Variants in RBBP7 observed in about 807,000 individuals in gnomAD.
The protein encoded by RBBP7 is histone-binding protein RBBP7.
RBBP7 carries 5 observed loss-of-function variants against 35.2 expected under a neutral mutation model. The ratio of observed to expected loss-of-function variants is 0.14; its 90% CI spans 0.07 to 0.30. RBBP7 has a LOEUF of 0.30. RBBP7 is among the 10% of genes least tolerant of loss of function. RBBP7 has a pLI of 1.00. For synonymous variants in RBBP7, 140 were observed against 118.7 expected (o/e 1.18, Z -1.17); for missense variants, 155 against 327.5 (o/e 0.47, Z 4.07).
At chrX:16,852,698 C>G (rs1930239326) in intron 7 of RBBP7, 51 bp downstream of exon 7, 1 of 1,210,701 alleles carries the variant, frequency 8.3e-7, no homozygotes, top group Non-Finnish European at 1.1e-6. Context: ...CTGATTAAGG[C>G]ACAAGAGAAC....
chrX:16,863,190 T>C (rs1930517373), intron 2 of RBBP7, 90 bp from the exon 3 acceptor site: 10 of 919,495 alleles, frequency 1.1e-5, no homozygotes, highest in Non-Finnish European at 1.4e-5. Context: ...AATACATTCA[T>C]ATTTCTTTAG....
intron 1 of RBBP7, 77 bp downstream of exon 1, chrX:16,869,961 C>T (rs1206788774): frequency 2.7e-6 from 2 of 748,978 alleles, no homozygotes; most frequent in African/African-American, 4.7e-5. Context: ...TCGCGCCTTT[C>T]GCCGGCGCGT....
intron 1 of RBBP7, chrX:16,869,535 C>T (rs749439589): frequency 1.7e-6 from 2 of 1,165,254 alleles, no homozygotes; most frequent in African/African-American, 1.8e-5. Context: ...GGCTGCGCGA[C>T]CCAGTCGGGA....
intron 2 of RBBP7, among the ~76,000 whole-genome samples, chrX:16,868,364 ACT>A (rs1930678214): frequency 8.9e-6 from 1 of 111,938 alleles, no homozygotes; most frequent in African/African-American, 3.3e-5. Flanking sequence ...TGGCACTTAA[ACT>A]CTCACTCCCA....
In RBBP7 at chrX:16,850,820, C is replaced by T. The variant is rs138326708; in HGVS notation, c.1040+1226G>A. On this transcript the variant is annotated intron_variant, in intron 9 of 11. Coordinates refer to ENST00000380087, the MANE Select transcript of RBBP7 (RefSeq NM_002893.4). ...ACACTCAGAATTTGGACTTTCACACCGAGTGCAATGGCTCATGCCTGTAAT... is the reference window on the plus strand; with the variant it reads ...ACACTCAGAATTTGGACTTTCACACTGAGTGCAATGGCTCATGCCTGTAAT... Among the ~76,000 whole-genome samples the T allele has an allele frequency of 6.0e-4, 67 of 112,450 alleles. 1 individual carries two copies. In the East Asian group the frequency reaches 0.017, roughly 28 times the overall value.
At chrX:16,859,104 A>G (rs1362327518) in intron 3 of RBBP7, among the ~76,000 whole-genome samples, 2 of 112,815 alleles carry the variant, frequency 1.8e-5, no homozygotes, top group Non-Finnish European at 3.7e-5. Flanking sequence ...CTTGGATCTA[A>G]AACAACTGTC....
intron 10 of RBBP7, chrX:16,848,468 T>G (rs1930137141): frequency 8.9e-6 from 1 of 112,013 alleles, no homozygotes; most frequent in East Asian, 2.8e-4. Context: ...GGACCTTCTT[T>G]ACCTTTGAAA....
intron 3 of RBBP7, among the ~76,000 whole-genome samples, chrX:16,861,357 T>C (rs965823147): frequency 1.8e-5 from 2 of 111,596 alleles, no homozygotes; most frequent in Non-Finnish European, 3.8e-5. Flanking sequence ...CACTAGAGAA[T>C]GTAGTATTTT....
intron 9 of RBBP7, among the ~76,000 whole-genome samples, chrX:16,851,025 G>A (rs905313258): frequency 9.1e-6 from 1 of 109,415 alleles, no homozygotes; most frequent in African/African-American, 3.3e-5. Flanking sequence ...TCGGGAAGCT[G>A]AGGCATGAGA....
intron 2 of RBBP7, among the ~76,000 whole-genome samples, chrX:16,868,743 T>G (rs1229069571): frequency 8.9e-6 from 1 of 112,640 alleles, no homozygotes; most frequent in Non-Finnish European, 1.9e-5. Flanking sequence ...AACTTTTCCG[T>G]AAATATTCTA....
chrX:16,849,395 A>C, intron 9 of RBBP7, 94 bp from the exon 10 acceptor site: 2 of 784,526 alleles, frequency 2.5e-6, no homozygotes, highest in African/African-American at 2.1e-5. Context: ...TAATCTTAAA[A>C]CATAAACACA....
chrX:16,869,726 C>G, intron 1 of RBBP7: 1 of 979,291 alleles, frequency 1.0e-6, no homozygotes. Flanking sequence ...AGAGCCGCGG[C>G]GCTCGCTTCC....
chrX:16,852,319 C>T (rs1463638856), intron 8 of RBBP7, 197 bp from the exon 9 acceptor site: 12 of 524,266 alleles, frequency 2.3e-5, no homozygotes, highest in Non-Finnish European at 3.9e-5. Flanking sequence ...GGCTGCACTC[C>T]CCAGCACTGA....
rs1930109645 is a variant in RBBP7, at chrX:16,847,478, C to T, written c.1099-1540G>A. On this transcript the variant is annotated intron_variant, in intron 10 of 11. Transcript: ENST00000380087. ...AGAGAGAGTACTCTTAAGGGGTACA[C>T]AGGTGAATATATTTTAAGATCACTG... 2.7e-5 allele frequency: 3 copies of T among 110,060 alleles called. No homozygotes were observed. The South Asian group carries it at 1.2e-3, about 43-fold the overall frequency. 9.1% of individuals were successfully genotyped at this position (110,060 alleles called of 1,213,427 possible).
At position 16,870,055 on chromosome X, in the gene RBBP7, T is replaced by C; in HGVS notation, c.-2A>G. ...CCTCTTACTCTCTTTACTCGCCATC[T>C]TGCGTCGGGTCGTTCGCCCCTCGCC... On this transcript the variant is annotated 5_prime_UTR_variant, in exon 1 of 12. Transcript: ENST00000380087. The C allele has an allele frequency of 9.3e-7, 1 of 1,076,619 alleles. No homozygotes were observed. Among genetic ancestry groups the C allele is most frequent in the Non-Finnish European group, 1.2e-6 (1 of 818,225 alleles). 88.7% of individuals were successfully genotyped at this position (1,076,619 alleles called of 1,213,427 possible). A position where few individuals can be genotyped will look rare whatever the true frequency, so the allele number is the denominator to read the frequency against.
chrX:16,861,174 A>G (rs897246542), intron 3 of RBBP7, among the ~76,000 whole-genome samples: 2 of 112,540 alleles, frequency 1.8e-5, no homozygotes, highest in East Asian at 5.5e-4. Context: ...ACCCTGCCTC[A>G]TAACAAACAA....
At chrX:16,857,412 G>A (rs1930376593) in intron 5 of RBBP7, among the ~76,000 whole-genome samples, 182 bp downstream of exon 5, 1 of 111,643 alleles carries the variant, frequency 9.0e-6, no homozygotes, top group Non-Finnish European at 1.9e-5. Context: ...AGAGCTCTGT[G>A]GAATCCGAAG....
chrX:16,855,303 T>C (rs990761785), intron 5 of RBBP7, among the ~76,000 whole-genome samples: 2 of 112,444 alleles, frequency 1.8e-5, no homozygotes, highest in Non-Finnish European at 3.8e-5. Flanking sequence ...CCACCCACCT[T>C]GGCCTCCCAA....
At chrX:16,852,420 T>G (rs1209760640) in intron 8 of RBBP7, 131 bp downstream of exon 8, 1 of 716,108 alleles carries the variant, frequency 1.4e-6, no homozygotes, top group Admixed American at 2.3e-5. Flanking sequence ...CCTTACCCTA[T>G]GAGCATCTCC....
Sources: gnomAD v4.1 joint callset for allele counts (sites outside exome capture counted in the v4.1 genomes callset) on GRCh38, gnomAD v4.1.1 for gene constraint, MANE v1.5 for transcripts, NCBI Gene and HGNC (gene_info 2026-07-23, HGNC 2026-07-21) for gene names.